CCSER1: variants seen among roughly 807,000 people sequenced by gnomAD.
The protein encoded by CCSER1 is serine-rich coiled-coil domain-containing protein 1.
Under a neutral mutation model 82.0 loss-of-function variants are expected in CCSER1, and 41 were observed. That is an observed-to-expected ratio of 0.50 (90% CI 0.39 to 0.65). The LOEUF (loss-of-function observed/expected upper bound fraction) is 0.65. Among genes scored for constraint, CCSER1 ranks in the 30% least tolerant of loss-of-function variants. The pLI is 0.00. For missense variants in CCSER1, 1,119 were observed against 1,064.2 expected, an observed-to-expected ratio of 1.05 and a Z score of -0.72; for synonymous variants, 414 against 383.9, an observed-to-expected ratio of 1.08 and a Z score of -0.92.
chr4:90,253,942 T>G (rs1270860809), intron 1 of CCSER1, among the ~76,000 whole-genome samples: 1 of 152,178 alleles, frequency 6.6e-6, no homozygotes, highest in Non-Finnish European at 1.5e-5. Flanking sequence ...CAATACCTAG[T>G]GCATAGATTG....
At chr4:90,507,611 AGC>A (rs1290233988) in intron 5 of CCSER1, among the ~76,000 whole-genome samples, 4 of 152,140 alleles carry the variant, frequency 2.6e-5, no homozygotes, top group African/African-American at 9.6e-5. Flanking sequence ...GGTCAATTTA[AGC>A]TATACAGCAG....
At position 90,542,122 on chromosome 4, in the gene CCSER1, A is replaced by T. The variant is rs555041382; in HGVS notation, c.1724+73768A>T. Reference sequence around the variant, plus strand: ...AATTTGTTTGAAACTTTGAATTGTGATAAAAGAACTTTTCAGAGATAAATT... The same window carrying T: ...AATTTGTTTGAAACTTTGAATTGTGTTAAAAGAACTTTTCAGAGATAAATT... On this transcript the variant is annotated intron_variant, in intron 5 of 10. Transcript: ENST00000509176. Among the ~76,000 whole-genome samples the T allele has an allele frequency of 5.9e-5, 9 of 152,206 alleles. No individual in the cohort carries two copies. The East Asian group carries it at 1.5e-3, about 26-fold the overall frequency.
At chr4:90,391,411 T>C (rs1396819621) in intron 3 of CCSER1, among the ~76,000 whole-genome samples, 4 of 139,306 alleles carry the variant, frequency 2.9e-5, no homozygotes, top group African/African-American at 1.1e-4. Flanking sequence ...TATCAAAATA[T>C]CTCATGTACC....
intron 9 of CCSER1, among the ~76,000 whole-genome samples, chr4:91,002,905 A>C (rs2150480954): frequency 6.6e-6 from 1 of 152,252 alleles, no homozygotes; most frequent in East Asian, 1.9e-4. Flanking sequence ...CTGGGGCTGA[A>C]GGCTGCTGTT....
chr4:90,658,255 T>G (rs1730093832), intron 6 of CCSER1, among the ~76,000 whole-genome samples: 1 of 152,190 alleles, frequency 6.6e-6, no homozygotes, highest in South Asian at 2.1e-4. Flanking sequence ...ATAGGAGTAA[T>G]TTGAGGCTCT....
At chr4:90,732,800 G>T (rs892433853) in intron 7 of CCSER1, among the ~76,000 whole-genome samples, 7 of 152,084 alleles carry the variant, frequency 4.6e-5, no homozygotes, top group African/African-American at 1.7e-4. Context: ...TACTTTCCTT[G>T]GCATATTTCA....
intron 8 of CCSER1, among the ~76,000 whole-genome samples, chr4:90,907,556 C>T (rs1350297461): frequency 6.6e-6 from 1 of 151,972 alleles, no homozygotes; most frequent in African/African-American, 2.4e-5. Flanking sequence ...CTTTCACTCA[C>T]AATGTAAAAT....
intron 5 of CCSER1, among the ~76,000 whole-genome samples, chr4:90,568,188 A>G (rs1043129821): frequency 2.0e-5 from 3 of 152,188 alleles, no homozygotes; most frequent in Admixed American, 1.3e-4. Flanking sequence ...TAGTTGATCT[A>G]GATTATATTT....
At chr4:90,382,882 CT>C (rs34229381) in intron 3 of CCSER1, among the ~76,000 whole-genome samples, 52,408 of 150,984 alleles carry the variant, frequency 0.35, 9,322 homozygotes, top group South Asian at 0.44. Flanking sequence ...CTATTTATTG[CT>C]GAGTATTAAA....
At chr4:90,243,513 T>C (rs776664984) in intron 1 of CCSER1, among the ~76,000 whole-genome samples, 4 of 151,918 alleles carry the variant, frequency 2.6e-5, no homozygotes, top group Non-Finnish European at 5.9e-5. Context: ...TCCCAGAGTG[T>C]TGGGATTACA....
At chr4:90,399,537 T>C (rs1752511412) in intron 3 of CCSER1, among the ~76,000 whole-genome samples, 1 of 152,132 alleles carries the variant, frequency 6.6e-6, no homozygotes, top group Non-Finnish European at 1.5e-5. Flanking sequence ...GTTAGAAGAA[T>C]GTTACCTACA....
chr4:91,155,743 T>G lies in CCSER1; in HGVS notation c.2217+69749T>G, dbSNP rs535312174. ...CTCTTGCAGAAACTATCAAAAAAAT[T>G]GTAAGATAGAAAAGATAACAGGATA... On this transcript the variant is annotated intron_variant, in intron 10 of 10. Coordinates refer to ENST00000509176, the MANE Select transcript of CCSER1 (RefSeq NM_001145065.2). Among the ~76,000 whole-genome samples, 163 of 151,964 alleles carry G rather than the reference T, an allele frequency of 1.1e-3. 2 individuals are homozygous for G. Among genetic ancestry groups the G allele is most frequent in the African/African-American group, 3.7e-3 (152 of 41,500 alleles).
intron 10 of CCSER1, among the ~76,000 whole-genome samples, chr4:91,547,011 T>C (rs1357603210): frequency 3.3e-5 from 5 of 149,646 alleles, no homozygotes; most frequent in African/African-American, 1.2e-4. Flanking sequence ...TTTAGGAGTG[T>C]GTTGTTTAAA....
intron 8 of CCSER1, among the ~76,000 whole-genome samples, chr4:90,896,533 TAG>T (rs1373587785): frequency 6.6e-6 from 1 of 151,952 alleles, no homozygotes; most frequent in Non-Finnish European, 1.5e-5. Flanking sequence ...ATTGGTATAA[TAG>T]ACAAATCAGA....
At chr4:91,325,404 G>A (rs938737209) in intron 10 of CCSER1, 4 of 271,174 alleles carry the variant, frequency 1.5e-5, no homozygotes, top group African/African-American at 9.1e-5. Context: ...AGGGAGCAAG[G>A]GGTAGGCAGA....
At chr4:90,972,295 T>C (rs952610535) in intron 9 of CCSER1, among the ~76,000 whole-genome samples, 1 of 151,750 alleles carries the variant, frequency 6.6e-6, no homozygotes, top group African/African-American at 2.4e-5. Context: ...TAACAGGATA[T>C]AAAATCAACA....
chr4:91,366,833 C>T (rs1749650466), intron 10 of CCSER1, among the ~76,000 whole-genome samples: 1 of 152,240 alleles, frequency 6.6e-6, no homozygotes, highest in Middle Eastern at 3.4e-3. Context: ...ATCAACACCA[C>T]AATAAGCAAT....
At chr4:90,457,358 C>A (rs1293896119) in intron 4 of CCSER1, among the ~76,000 whole-genome samples, 1 of 152,186 alleles carries the variant, frequency 6.6e-6, no homozygotes, top group Admixed American at 6.5e-5. Flanking sequence ...TTCTCGTGCT[C>A]ACAACATGCT....
At chr4:91,091,760 G>C (rs929946084) in intron 10 of CCSER1, among the ~76,000 whole-genome samples, 1 of 152,068 alleles carries the variant, frequency 6.6e-6, no homozygotes, top group Non-Finnish European at 1.5e-5. Flanking sequence ...CTGTGGGAGT[G>C]GTCAGGATAA....
Sources: allele counts gnomAD v4.1 joint callset (sites outside exome capture counted in the v4.1 genomes callset), GRCh38; gene constraint gnomAD v4.1.1; transcripts MANE v1.5; gene names NCBI Gene and HGNC (gene_info 2026-07-23, HGNC 2026-07-21).